MGRN1: variants seen among roughly 807,000 people sequenced by gnomAD.
MGRN1 encodes the protein E3 ubiquitin-protein ligase MGRN1.
A neutral mutation model predicts 69.2 loss-of-function variants in MGRN1; 29 were observed. The observed-to-expected ratio is 0.42, with a 90% CI of 0.31 to 0.57. The LOEUF (loss-of-function observed/expected upper bound fraction) is 0.57. MGRN1 is among the 20% of genes least tolerant of loss of function. The pLI is 0.15. For synonymous variants in MGRN1, 470 were observed against 344.2 expected (o/e 1.37, Z -4.04); for missense variants, 998 against 796.2 (o/e 1.25, Z -3.05).
intron 5 of MGRN1, chr16:4,664,287 G>A (rs1238805678): frequency 3.7e-6 from 1 of 267,348 alleles, no homozygotes; most frequent in Admixed American, 5.0e-5. Context: ...GCAATTCCAT[G>A]TAAATGACAG....
chr16:4,670,406 C>A (rs2078913309), intron 8 of MGRN1, among the ~76,000 whole-genome samples: 1 of 152,316 alleles, frequency 6.6e-6, no homozygotes, highest in African/African-American at 2.4e-5. Context: ...CCATGCCTGG[C>A]TAATTTTTGT....
rs543176443 is a variant in MGRN1, at chr16:4,653,372, C to G, written c.443+548C>G. On this transcript the variant is annotated intron_variant, in intron 4 of 16. Transcript: ENST00000262370. ...TCTCCTGAAAACCCCATTTCAGGGC[C>G]TTTTCTGGAGGCTTCATCACGTAGG... Among the ~76,000 whole-genome samples, 12 of 152,328 alleles carry G rather than the reference C, an allele frequency of 7.9e-5. No homozygotes were observed. The South Asian group carries it at 2.5e-3, about 32-fold the overall frequency.
At chr16:4,652,519 G>A (rs1222381389) in intron 3 of MGRN1, among the ~76,000 whole-genome samples, 159 bp from the exon 4 acceptor site, 4 of 152,164 alleles carry the variant, frequency 2.6e-5, no homozygotes, top group African/African-American at 9.7e-5. Context: ...TGGACCACTG[G>A]GCTTTCATGT....
chr16:4,639,288 C>G (rs1009900573), intron 1 of MGRN1, among the ~76,000 whole-genome samples: 1 of 152,076 alleles, frequency 6.6e-6, no homozygotes, highest in Admixed American at 6.6e-5. Flanking sequence ...GCGGCGGGAG[C>G]GTTGACCACG....
At chr16:4,639,562 C>T (rs1478805619) in intron 1 of MGRN1, among the ~76,000 whole-genome samples, 1 of 152,166 alleles carries the variant, frequency 6.6e-6, no homozygotes, top group Non-Finnish European at 1.5e-5. Context: ...TCTCCAAGGC[C>T]TGCCTATGAC....
At chr16:4,650,219 C>G (rs2078371199) in intron 1 of MGRN1, 146 bp from the exon 2 acceptor site, 1 of 590,970 alleles carries the variant, frequency 1.7e-6, no homozygotes, top group African/African-American at 1.9e-5. Flanking sequence ...AGAAGAATCG[C>G]TTGAACCCGG....
chr16:4,686,864 G>A (rs1226682396), intron 16 of MGRN1: 8 of 985,664 alleles, frequency 8.1e-6, no homozygotes, highest in Admixed American at 6.1e-5. Flanking sequence ...GAAAGAATGC[G>A]CCCCGATTGG....
Position 4,688,818 on chromosome 16 carries a change from G to A in MGRN1, c.1641G>A (p.Thr547=), listed in dbSNP as rs776327071. The A allele has an allele frequency of 1.0e-5, 16 of 1,552,134 alleles. No homozygotes were observed. Among genetic ancestry groups the A allele is most frequent in the African/African-American group, 8.2e-5 (6 of 73,104 alleles). The change falls in exon 17 of 17, where the codon ACG becomes ACA. Residue 547 remains threonine, a synonymous_variant. Transcript: ENST00000262370. The stretch of plus-strand genomic sequence containing the variant: ...CAGGACGGCCCACCTCCATGGAGAC[G>A]GCCCACGGCCTCGCCACCACCAGCC... ...YLPGRPTSME[T]AHGLATTSPT...
intron 13 of MGRN1, 28 bp downstream of exon 13, chr16:4,681,804 G>C (rs1318782351): frequency 3.5e-5 from 56 of 1,600,034 alleles, no homozygotes; most frequent in Non-Finnish European, 4.4e-5. Context: ...CAGGTGCATG[G>C]CAGGGTGTGT....
chr16:4,638,762 A>T (rs2078088868), intron 1 of MGRN1, among the ~76,000 whole-genome samples: 1 of 152,202 alleles, frequency 6.6e-6, no homozygotes, highest in African/African-American at 2.4e-5. Context: ...TTAGAACACG[A>T]GGAGAATTTT....
intron 1 of MGRN1, among the ~76,000 whole-genome samples, chr16:4,627,309 C>G (rs1358490261): frequency 1.3e-5 from 2 of 152,224 alleles, no homozygotes; most frequent in Non-Finnish European, 2.9e-5. Context: ...ACACCTAACA[C>G]TGTCCATTTT....
At chr16:4,645,875 G>A (rs866252942) in intron 1 of MGRN1, among the ~76,000 whole-genome samples, 1 of 152,200 alleles carries the variant, frequency 6.6e-6, no homozygotes, top group African/African-American at 2.4e-5. Flanking sequence ...ATGTGGGGAG[G>A]CTGGTGAATG....
Position 4,650,377 on chromosome 16 carries a change from C to G in MGRN1, c.101C>G (p.Ala34Gly). 6.2e-7 allele frequency: 1 copy of G among 1,609,958 alleles called. No individual in the cohort carries two copies. The highest frequency in any genetic ancestry group is 8.5e-7 in the Non-Finnish European group (1 of 1,177,724). Residue 34 changes from alanine to glycine, a missense_variant, in exon 2 of 17, where the codon GCT becomes GGT. Transcript: ENST00000262370. ...RYPPKSGNYF[A>G]SHFFMGGEKF... ...CTTTTTTAAACAGGAAACTACTTTG[C>G]TTCGCACTTTTTCATGGGAGGAGAG...
chr16:4,643,175 C>G (rs1055433491), intron 1 of MGRN1, among the ~76,000 whole-genome samples: 2 of 151,932 alleles, frequency 1.3e-5, no homozygotes, highest in African/African-American at 2.4e-5. Flanking sequence ...AGGCTGGTCT[C>G]AATCTCGATC....
intron 1 of MGRN1, among the ~76,000 whole-genome samples, chr16:4,628,646 G>A (rs1207830997): frequency 2.6e-5 from 4 of 152,100 alleles, no homozygotes; most frequent in Non-Finnish European, 4.4e-5. Flanking sequence ...CTGGGTTCAA[G>A]CAATTCTCCT....
intron 5 of MGRN1, among the ~76,000 whole-genome samples, chr16:4,663,180 C>A (rs1356491718): frequency 6.6e-6 from 1 of 152,168 alleles, no homozygotes; most frequent in African/African-American, 2.4e-5. Flanking sequence ...TCTCCTACCT[C>A]AGCCTCCCGA....
chr16:4,669,009 GACAC>G (rs56378863), intron 8 of MGRN1: 56,673 of 151,648 alleles, frequency 0.37, 11,454 homozygotes, highest in East Asian at 0.64. Flanking sequence ...CACTCACATA[GACAC>G]ACACACATAC....
chr16:4,669,806 G>A (rs889424960), intron 8 of MGRN1, among the ~76,000 whole-genome samples: 20 of 152,190 alleles, frequency 1.3e-4, no homozygotes, highest in Non-Finnish European at 2.4e-4. Context: ...CAGTACATCT[G>A]TTCTCTGGGG....
At chr16:4,674,709 C>T (rs548042702) in intron 10 of MGRN1, among the ~76,000 whole-genome samples, 3 of 126,818 alleles carry the variant, frequency 2.4e-5, no homozygotes, top group East Asian at 2.8e-4. Context: ...GGCGCAATCT[C>T]GGCTCACTGC....
Sources: gnomAD v4.1 joint callset for allele counts (sites outside exome capture counted in the v4.1 genomes callset) on GRCh38, gnomAD v4.1.1 for gene constraint, MANE v1.5 for transcripts, NCBI Gene and HGNC (gene_info 2026-07-23, HGNC 2026-07-21) for gene names.